The following ADAM12 variants were observed in gnomAD, a reference collection of about 807,000 sequenced individuals.
ADAM12 encodes ADAM metallopeptidase domain 12, also known as disintegrin and metalloproteinase domain-containing protein 12.
Under a neutral mutation model 106.4 loss-of-function variants are expected in ADAM12, and 70 were observed. The observed-to-expected ratio is 0.66, with a 90% CI of 0.54 to 0.80. The LOEUF (loss-of-function observed/expected upper bound fraction) is 0.80, where lower values mean the gene tolerates loss of function less well. ADAM12 is among the 30% of genes least tolerant of loss of function. The probability of loss-of-function intolerance (pLI) is 0.00; values close to 1 mark genes in which losing one functional copy is unlikely to be tolerated. For missense variants in ADAM12, 1,010 were observed against 1,171.9 expected (o/e 0.86, Z 2.02); for synonymous variants, 420 against 433.5 (o/e 0.97, Z 0.39).
At chr10:126,372,266 A>G (rs940284278) in intron 1 of ADAM12, among the ~76,000 whole-genome samples, 1 of 152,222 alleles carries the variant, frequency 6.6e-6, no homozygotes, top group African/African-American at 2.4e-5. Flanking sequence ...CACTGAATGA[A>G]CATATGAACA....
intron 3 of ADAM12, among the ~76,000 whole-genome samples, chr10:126,221,766 A>C (rs1253549296): frequency 6.6e-6 from 1 of 152,218 alleles, no homozygotes; most frequent in Non-Finnish European, 1.5e-5. Context: ...TCCTTCTCCC[A>C]GGAGATTAGA....
At chr10:126,095,489 C>G (rs111302327) in intron 10 of ADAM12, among the ~76,000 whole-genome samples, 2,665 of 145,608 alleles carry the variant, frequency 0.018, 91 homozygotes, top group African/African-American at 0.063. Context: ...AGCCAAGATC[C>G]CACCACTGCA....
At chr10:126,054,841 G>A (rs1170262920) in intron 14 of ADAM12, among the ~76,000 whole-genome samples, 1 of 152,148 alleles carries the variant, frequency 6.6e-6, no homozygotes, top group Non-Finnish European at 1.5e-5. Context: ...TGGGGAAGGT[G>A]TGGCTTCTGG....
intron 10 of ADAM12, among the ~76,000 whole-genome samples, chr10:126,097,980 T>G (rs1017395243): frequency 1.4e-4 from 21 of 152,236 alleles, no homozygotes; most frequent in African/African-American, 3.9e-4. Flanking sequence ...GGTAAAAAGC[T>G]AAAAACCTCA....
At chr10:126,341,326 T>C (rs932536159) in intron 1 of ADAM12, among the ~76,000 whole-genome samples, 1 of 152,198 alleles carries the variant, frequency 6.6e-6, no homozygotes, top group Non-Finnish European at 1.5e-5. Context: ...TATCTTCATG[T>C]GCAGACAAGT....
chr10:126,084,940 G>C (rs186375740), intron 11 of ADAM12, among the ~76,000 whole-genome samples: 1 of 152,338 alleles, frequency 6.6e-6, no homozygotes, highest in Non-Finnish European at 1.5e-5. Context: ...GATTGTACCT[G>C]TTCTTTATTT....
chr10:126,051,554 C>A (rs1954494159), intron 14 of ADAM12, among the ~76,000 whole-genome samples: 1 of 106,006 alleles, frequency 9.4e-6, no homozygotes, highest in African/African-American at 4.6e-5. Flanking sequence ...TCCATCCATC[C>A]ATCCATCCAT....
intron 11 of ADAM12, among the ~76,000 whole-genome samples, chr10:126,078,776 G>A (rs957138534): frequency 6.6e-6 from 1 of 151,902 alleles, no homozygotes. Flanking sequence ...TTGCAAATGA[G>A]GTGAAGGGAT....
intron 3 of ADAM12, among the ~76,000 whole-genome samples, chr10:126,186,204 A>C (rs1590582854): frequency 6.6e-6 from 1 of 152,198 alleles, no homozygotes; most frequent in African/African-American, 2.4e-5. Context: ...GTGTTCAGTC[A>C]CTAGGCTTAC....
intron 3 of ADAM12, among the ~76,000 whole-genome samples, chr10:126,193,214 G>A (rs1224308320): frequency 3.0e-5 from 4 of 131,972 alleles, no homozygotes; most frequent in Admixed American, 9.0e-5. Context: ...GCAGTGAGCC[G>A]AGATTGTGCC....
At chr10:126,287,268 A>T (rs1959910378) in intron 2 of ADAM12, among the ~76,000 whole-genome samples, 1 of 152,180 alleles carries the variant, frequency 6.6e-6, no homozygotes, top group Admixed American at 6.5e-5. Flanking sequence ...ACAATGGCCA[A>T]TTCTGAAGCA....
intron 4 of ADAM12, among the ~76,000 whole-genome samples, chr10:126,152,777 A>G (rs574269648): frequency 2.6e-5 from 4 of 152,204 alleles, no homozygotes; most frequent in Non-Finnish European, 5.9e-5. Context: ...ATGTTGACTC[A>G]TTTTTATCTT....
In ADAM12 at chr10:126,039,534, A is replaced by G. The variant is rs914826057; in HGVS notation, c.2105-105T>C. The G allele has an allele frequency of 9.0e-5, 126 of 1,401,654 alleles. No individual in the cohort carries two copies. In the African/African-American group the frequency reaches 1.0e-3, roughly 11 times the overall value. 86.8% of individuals were successfully genotyped at this position (1,401,654 alleles called of 1,614,324 possible). On this transcript the variant is annotated intron_variant, in intron 18 of 22. Transcript: ENST00000448723. ...CAAAGTGAACTCTGAAGCAACAGAA[A>G]TGAAGAGAGTACACCCGTGAGTGAT...
At chr10:126,071,868 G>A (rs924342101) in intron 11 of ADAM12, among the ~76,000 whole-genome samples, 4 of 152,198 alleles carry the variant, frequency 2.6e-5, no homozygotes, top group Admixed American at 6.5e-5. Flanking sequence ...GTGCCAACGC[G>A]GCTGATGAAG....
At chr10:126,196,148 T>C (rs976078574) in intron 3 of ADAM12, among the ~76,000 whole-genome samples, 1 of 152,222 alleles carries the variant, frequency 6.6e-6, no homozygotes, top group Non-Finnish European at 1.5e-5. Flanking sequence ...CAGAAAACGT[T>C]TGTAGACCCT....
Position 126,159,182 on chromosome 10 carries a change from T to C in ADAM12, c.261-3877A>G, listed in dbSNP as rs1183763779. On this transcript the variant is annotated intron_variant, in intron 3 of 22. Transcript: ENST00000448723. ...AAAATTAGCCGGGCACGGTGGTGGG[T>C]GCCTGTGGTCCCAACTACTCAGGAG... Among the ~76,000 whole-genome samples, 17 of 151,738 alleles carry C rather than the reference T, an allele frequency of 1.1e-4. No homozygotes were observed. In the East Asian group the frequency reaches 2.2e-3, roughly 19 times the overall value.
chr10:126,234,857 G>A (rs140390835), intron 3 of ADAM12, among the ~76,000 whole-genome samples: 52 of 152,330 alleles, frequency 3.4e-4, no homozygotes, highest in South Asian at 1.9e-3. Context: ...GATGGCTGAG[G>A]TGCCAAGCAG....
At chr10:126,145,767 T>C (rs1253795923) in intron 4 of ADAM12, among the ~76,000 whole-genome samples, 1 of 152,240 alleles carries the variant, frequency 6.6e-6, no homozygotes, top group Non-Finnish European at 1.5e-5. Context: ...GTGTCTTGCC[T>C]GTTGTTGATA....
At chr10:126,337,713 C>A (rs553717104) in intron 1 of ADAM12, among the ~76,000 whole-genome samples, 2 of 152,168 alleles carry the variant, frequency 1.3e-5, no homozygotes, top group Admixed American at 6.5e-5. Flanking sequence ...CAAGCTGACA[C>A]CTAATATTAA....
Sources: gnomAD v4.1 joint callset for allele counts (sites outside exome capture counted in the v4.1 genomes callset) on GRCh38, gnomAD v4.1.1 for gene constraint, MANE v1.5 for transcripts, NCBI Gene and HGNC (gene_info 2026-07-23, HGNC 2026-07-21) for gene names.